Variants in CMSS1 observed in about 807,000 individuals in gnomAD.
The protein encoded by CMSS1 is protein CMSS1.
A neutral mutation model predicts 43.5 loss-of-function variants in CMSS1; 33 were observed. The ratio of observed to expected loss-of-function variants is 0.76; its 90% confidence interval spans 0.57 to 1.01. CMSS1 has a LOEUF of 1.01. Ranked by LOEUF, CMSS1 falls within the 50% of genes least tolerant of loss-of-function variation. CMSS1 has a pLI of 0.00. For synonymous variants in CMSS1, 115 were observed against 117.2 expected (o/e 0.98, Z 0.12); for missense variants, 313 against 326.4 (o/e 0.96, Z 0.32).
intron 1 of CMSS1, among the ~76,000 whole-genome samples, chr3:100,016,929 A>G (rs934133056): frequency 2.0e-5 from 3 of 152,256 alleles, no homozygotes; most frequent in Non-Finnish European, 4.4e-5. Flanking sequence ...CCATCTAATT[A>G]TAGTTCACAG....
rs534998676 is a variant in CMSS1, at chr3:99,919,409, G to T, written c.64+101366G>T. Among the ~76,000 whole-genome samples the T allele has an allele frequency of 1.1e-3, 160 of 147,944 alleles. 1 individual carries two copies. Among genetic ancestry groups the T allele is most frequent in the Non-Finnish European group, 1.7e-3 (117 of 67,238 alleles). ...GGTGAGGACCACATCTACCTTGTTC[G>T]CCCAGTATCTAGTATGGGACCTGGC... On this transcript the variant is annotated intron_variant, in intron 1 of 9. Coordinates refer to ENST00000421999, the MANE Select transcript of CMSS1 (RefSeq NM_032359.4).
chr3:100,117,013 T>C (rs1044352745), intron 1 of CMSS1, among the ~76,000 whole-genome samples: 5 of 152,204 alleles, frequency 3.3e-5, no homozygotes, highest in African/African-American at 1.2e-4. Context: ...GAAATCATCA[T>C]GCAATCTCTG....
At chr3:99,830,648 T>G in intron 1 of CMSS1, 1 of 453,184 alleles carries the variant, frequency 2.2e-6, no homozygotes. Context: ...ATGGTACAGT[T>G]GGTGGAGAAG....
At chr3:99,833,170 G>T in intron 1 of CMSS1, 2 of 1,426,102 alleles carry the variant, frequency 1.4e-6, no homozygotes, top group Admixed American at 1.7e-5. Flanking sequence ...TTTAATAAAT[G>T]CTTAACCCAG....
intron 1 of CMSS1, among the ~76,000 whole-genome samples, chr3:100,027,508 G>A (rs1411505970): frequency 6.6e-6 from 1 of 152,130 alleles, no homozygotes; most frequent in Non-Finnish European, 1.5e-5. Context: ...CTTTATGAAT[G>A]CATCATGATG....
At chr3:100,047,835 A>G (rs2065301426) in intron 1 of CMSS1, among the ~76,000 whole-genome samples, 1 of 152,154 alleles carries the variant, frequency 6.6e-6, no homozygotes, top group Admixed American at 6.5e-5. Context: ...CATTTGAAAA[A>G]AAAAAGGAAG....
chr3:99,916,413 C>A (rs1706951437), intron 1 of CMSS1, among the ~76,000 whole-genome samples: 1 of 147,456 alleles, frequency 6.8e-6, no homozygotes, highest in African/African-American at 2.5e-5. Flanking sequence ...ATCATGTGAG[C>A]CAACACTTTA....
At chr3:100,109,903 A>ACCCC (rs35074224) in intron 1 of CMSS1, 4 of 72,322 alleles carry the variant, frequency 5.5e-5, no homozygotes, top group African/African-American at 1.1e-4. Context: ...TTCTTTTATG[A>ACCCC]CCCCCCCCCC....
chr3:100,068,165 T>TA (rs1374248550), intron 1 of CMSS1, among the ~76,000 whole-genome samples: 13 of 152,212 alleles, frequency 8.5e-5, no homozygotes, highest in African/African-American at 3.1e-4. Context: ...GAAATACCAT[T>TA]GTTTGCATGT....
At chr3:99,934,791 T>C (rs1707606835) in intron 1 of CMSS1, among the ~76,000 whole-genome samples, 2 of 152,328 alleles carry the variant, frequency 1.3e-5, no homozygotes, top group Non-Finnish European at 2.9e-5. Context: ...CCAGTGATGA[T>C]ATTCATAAGT....
intron 1 of CMSS1, among the ~76,000 whole-genome samples, chr3:99,824,515 C>T (rs879540432): frequency 7.2e-5 from 11 of 152,260 alleles, no homozygotes; most frequent in Non-Finnish European, 1.3e-4. Flanking sequence ...CTGGATACAG[C>T]GAAGGCACTC....
intron 1 of CMSS1, among the ~76,000 whole-genome samples, chr3:99,904,762 A>G (rs751919494): frequency 2.4e-4 from 36 of 151,992 alleles, no homozygotes; most frequent in Non-Finnish European, 2.6e-4. Flanking sequence ...ACTTCGTTCT[A>G]TCCATCCTCT....
At chr3:100,146,705 A>T (rs970589161) in intron 1 of CMSS1, among the ~76,000 whole-genome samples, 3 of 152,218 alleles carry the variant, frequency 2.0e-5, no homozygotes, top group Non-Finnish European at 4.4e-5. Context: ...AAAGGCTGTA[A>T]AACGTCCTCT....
chr3:100,034,892 C>G (rs1305244164), intron 1 of CMSS1, among the ~76,000 whole-genome samples: 3 of 152,080 alleles, frequency 2.0e-5, no homozygotes, highest in African/African-American at 7.2e-5. Flanking sequence ...AGTAGAATAT[C>G]TCAATCACTG....
intron 1 of CMSS1, among the ~76,000 whole-genome samples, chr3:99,919,597 G>A (rs1707060708): frequency 1.3e-5 from 2 of 151,632 alleles, no homozygotes; most frequent in South Asian, 4.2e-4. Context: ...AAATCCTCTA[G>A]AAAGAAAATT....
At chr3:99,850,344 C>G (rs9828782) in intron 1 of CMSS1, 1 of 1,612,862 alleles carries the variant, frequency 6.2e-7, no homozygotes, top group African/African-American at 1.3e-5. Flanking sequence ...AATTGCATTT[C>G]AGAGAGTAGC....
chr3:99,885,857 A>G (rs1705878578), intron 1 of CMSS1, among the ~76,000 whole-genome samples: 2 of 152,210 alleles, frequency 1.3e-5, no homozygotes, highest in Non-Finnish European at 2.9e-5. Context: ...GAAGAACAAT[A>G]CAGCTCAACT....
At chr3:99,899,323 G>A (rs189753816) in intron 1 of CMSS1, among the ~76,000 whole-genome samples, 39 of 152,248 alleles carry the variant, frequency 2.6e-4, no homozygotes, top group African/African-American at 9.4e-4. Flanking sequence ...CTTTATGGGT[G>A]TTTTGGTCAT....
At chr3:100,008,400 A>T (rs778550859) in intron 1 of CMSS1, among the ~76,000 whole-genome samples, 1 of 152,218 alleles carries the variant, frequency 6.6e-6, no homozygotes, top group Non-Finnish European at 1.5e-5. Flanking sequence ...CAAGATTTTC[A>T]TATGAGTTGC....
Sources: gnomAD v4.1 joint callset for allele counts (sites outside exome capture counted in the v4.1 genomes callset) on GRCh38, gnomAD v4.1.1 for gene constraint, MANE v1.5 for transcripts, NCBI Gene and HGNC (gene_info 2026-07-23, HGNC 2026-07-21) for gene names.